The following ADARB2 variants were observed in gnomAD, a reference collection of about 807,000 sequenced individuals.
The protein encoded by ADARB2 is inactive double-stranded RNA-specific editase B2.
Under a neutral mutation model 62.2 loss-of-function variants are expected in ADARB2, and 25 were observed. The observed-to-expected ratio is 0.40, with a 90% confidence interval of 0.29 to 0.56. ADARB2 has a LOEUF of 0.56. ADARB2 is among the 20% of genes least tolerant of loss of function. The pLI, the probability that ADARB2 is intolerant of heterozygous loss-of-function variation, is 0.43. For synonymous variants in ADARB2, 572 were observed against 500.8 expected, an observed-to-expected ratio of 1.14 and a Z score of -1.90; for missense variants, 1,071 against 1,077.4, an observed-to-expected ratio of 0.99 and a Z score of 0.08.
At position 1,681,083 on chromosome 10, in the gene ADARB2, A is replaced by G. The variant is rs958159077; in HGVS notation, c.100+55968T>C. Among the ~76,000 whole-genome samples the G allele has an allele frequency of 2.0e-5, 3 of 152,332 alleles. No homozygotes were observed. In the South Asian group the frequency reaches 6.2e-4, roughly 32 times the overall value. On this transcript the variant is annotated intron_variant, in intron 1 of 9. Transcript: ENST00000381312. ...AGTGGGAAGCGTCAGGTTTGAAGGC[A>G]GCCCCTGGACAGGAATAATGTAAGG...
At chr10:1,231,015 A>G (rs778771691) in intron 6 of ADARB2, among the ~76,000 whole-genome samples, 3 of 152,190 alleles carry the variant, frequency 2.0e-5, no homozygotes, top group Non-Finnish European at 4.4e-5. Flanking sequence ...ATTGCAGTAG[A>G]AAGTGAGGGC....
chr10:1,289,218 AC>A (rs772177976), intron 3 of ADARB2, among the ~76,000 whole-genome samples: 21 of 152,248 alleles, frequency 1.4e-4, no homozygotes, highest in Admixed American at 3.9e-4. Context: ...AAATGTTATG[AC>A]CTGGAAGCCG....
intron 1 of ADARB2, among the ~76,000 whole-genome samples, chr10:1,486,870 C>T (rs1052571183): frequency 3.3e-5 from 5 of 152,118 alleles, no homozygotes; most frequent in South Asian, 2.1e-4. Context: ...GAGGAGTGAA[C>T]GTCACTGGAA....
intron 1 of ADARB2, among the ~76,000 whole-genome samples, chr10:1,521,222 C>T (rs1246578629): frequency 6.6e-6 from 1 of 152,076 alleles, no homozygotes; most frequent in Non-Finnish European, 1.5e-5. Flanking sequence ...TGGCATTACT[C>T]CCCCAACCAT....
intron 1 of ADARB2, among the ~76,000 whole-genome samples, chr10:1,379,531 A>G (rs1009252516): frequency 6.6e-6 from 1 of 152,246 alleles, no homozygotes; most frequent in African/African-American, 2.4e-5. Flanking sequence ...AAAACAAGTA[A>G]AACAATCTCA....
chr10:1,540,535 A>G (rs796423831), intron 1 of ADARB2, among the ~76,000 whole-genome samples: 7,092 of 47,476 alleles, frequency 0.15, 435 homozygotes, highest in East Asian at 0.36. Context: ...GACGTAGTTC[A>G]GACCCTGGAT....
chr10:1,402,602 C>T (rs1051041990), intron 1 of ADARB2, among the ~76,000 whole-genome samples: 2 of 152,170 alleles, frequency 1.3e-5, no homozygotes, highest in African/African-American at 2.4e-5. Flanking sequence ...ACACTGTCAT[C>T]GAGTCGGAGG....
chr10:1,282,231 G>A (rs1031768063), intron 3 of ADARB2, among the ~76,000 whole-genome samples: 1 of 152,162 alleles, frequency 6.6e-6, no homozygotes, highest in African/African-American at 2.4e-5. Context: ...GTGTTTACGT[G>A]GTGCTCAGAG....
At chr10:1,409,348 C>T (rs1040530767) in intron 1 of ADARB2, among the ~76,000 whole-genome samples, 5 of 152,238 alleles carry the variant, frequency 3.3e-5, no homozygotes, top group African/African-American at 1.2e-4. Context: ...GAATTTTTCT[C>T]TTTTCAGATG....
At chr10:1,365,126 T>C (rs1234902568) in intron 2 of ADARB2, among the ~76,000 whole-genome samples, 1 of 151,970 alleles carries the variant, frequency 6.6e-6, no homozygotes, top group African/African-American at 2.4e-5. Context: ...CCTGCCTCCG[T>C]CTCCCAAAGT....
At chr10:1,436,637 G>C (rs1441781425) in intron 1 of ADARB2, among the ~76,000 whole-genome samples, 1 of 152,194 alleles carries the variant, frequency 6.6e-6, no homozygotes, top group African/African-American at 2.4e-5. Context: ...AACATTAAAA[G>C]ATGTTAATGC....
At position 1,438,393 on chromosome 10, in the gene ADARB2, G is replaced by A. The variant is rs138341033; in HGVS notation, c.101-59233C>T. Among the ~76,000 whole-genome samples, 418 of 147,726 alleles carry A rather than the reference G, an allele frequency of 2.8e-3. 1 individual carries two copies. Among genetic ancestry groups the A allele is most frequent in the African/African-American group, 1.0e-2 (388 of 38,886 alleles). ...GATGGAAGGAGGTCCTTCATCATGG[G>A]GCTCCTGAGTCTCCTCAGCAGATGG... On this transcript the variant is annotated intron_variant, in intron 1 of 9. Transcript: ENST00000381312.
At chr10:1,318,235 C>T (rs146975569) in intron 3 of ADARB2, among the ~76,000 whole-genome samples, 1 of 152,074 alleles carries the variant, frequency 6.6e-6, no homozygotes, top group South Asian at 2.1e-4. Flanking sequence ...CGTGTAGTCA[C>T]AGGTGACGGA....
intron 4 of ADARB2, among the ~76,000 whole-genome samples, chr10:1,265,228 G>C (rs1432093838): frequency 3.3e-5 from 5 of 152,194 alleles, no homozygotes; most frequent in Admixed American, 3.3e-4. Flanking sequence ...CCCACTTATC[G>C]GGGTTATGTC....
At chr10:1,345,454 G>A (rs1367092221) in intron 3 of ADARB2, among the ~76,000 whole-genome samples, 1 of 152,190 alleles carries the variant, frequency 6.6e-6, no homozygotes, top group Non-Finnish European at 1.5e-5. Context: ...CCATCAGAAT[G>A]GACACACCAG....
intron 1 of ADARB2, among the ~76,000 whole-genome samples, chr10:1,714,287 C>G (rs994778060): frequency 6.6e-6 from 1 of 152,204 alleles, no homozygotes; most frequent in East Asian, 1.9e-4. Flanking sequence ...GTGTGAGTGT[C>G]GCTATCTAGA....
chr10:1,199,151 G>A (rs773854814), intron 8 of ADARB2, among the ~76,000 whole-genome samples: 7 of 152,194 alleles, frequency 4.6e-5, no homozygotes, highest in Non-Finnish European at 1.0e-4. Context: ...CAGCAAGGGA[G>A]GCTGACTCAA....
intron 1 of ADARB2, among the ~76,000 whole-genome samples, chr10:1,671,831 C>T (rs2119102912): frequency 6.6e-6 from 1 of 152,250 alleles, no homozygotes; most frequent in Admixed American, 6.5e-5. Flanking sequence ...CCGAGATGCC[C>T]AGGAAATCAG....
chr10:1,195,349 T>A (rs1836895025), intron 8 of ADARB2, among the ~76,000 whole-genome samples: 1 of 151,224 alleles, frequency 6.6e-6, no homozygotes, highest in African/African-American at 2.4e-5. Flanking sequence ...TACAGAACCT[T>A]CAGGGAACCA....
Sources: gnomAD v4.1 joint callset for allele counts (sites outside exome capture counted in the v4.1 genomes callset) on GRCh38, gnomAD v4.1.1 for gene constraint, MANE v1.5 for transcripts, NCBI Gene and HGNC (gene_info 2026-07-23, HGNC 2026-07-21) for gene names.